OSBPL9: variants seen among roughly 807,000 people sequenced by gnomAD.
The protein encoded by OSBPL9 is oxysterol binding protein like 9.
In OSBPL9, 40 loss-of-function variants were observed where a neutral mutation model predicts 106.6. The observed-to-expected ratio is 0.38, with a 90% CI of 0.29 to 0.49. The LOEUF is 0.49. OSBPL9 is among the 20% of genes least tolerant of loss of function. The pLI, the probability that OSBPL9 is intolerant of heterozygous loss-of-function variation, is 0.97. For missense variants in OSBPL9, 609 were observed against 887.2 expected, an observed-to-expected ratio of 0.69 and a Z score of 3.98; for synonymous variants, 269 against 295.4, an observed-to-expected ratio of 0.91 and a Z score of 0.92.
the OSBPL9 span, among the ~76,000 whole-genome samples, chr1:51,555,362 TGCCTGTAATCCCA>T: frequency 1.6e-3 from 248 of 151,742 alleles, 1 homozygote; most frequent in African/African-American, 5.3e-3. Context: ...TGGTGGCACG[TGCCTGTAATCCCA>T]GCTACTCGGG....
At chr1:51,735,802 A>T (rs1208363479) in intron 4 of OSBPL9, among the ~76,000 whole-genome samples, 1 of 152,220 alleles carries the variant, frequency 6.6e-6, no homozygotes, top group Admixed American at 6.5e-5. Context: ...GTTTTTAGAG[A>T]GACAAGAAGA....
the OSBPL9 span, among the ~76,000 whole-genome samples, chr1:51,520,867 A>G: frequency 3.9e-5 from 6 of 152,262 alleles, no homozygotes; most frequent in African/African-American, 1.2e-4. Context: ...CCACTTATTC[A>G]AGAGCATCTT....
At chr1:51,642,390 TTATC>T (rs541231858) in intron 1 of OSBPL9, among the ~76,000 whole-genome samples, 82 of 152,290 alleles carry the variant, frequency 5.4e-4, no homozygotes, top group African/African-American at 1.7e-3. Context: ...TCTTAATTAT[TTATC>T]TTTGTTAATT....
chr1:51,581,767 C>A (rs12567777), intron 1 of OSBPL9, among the ~76,000 whole-genome samples: 22,274 of 151,960 alleles, frequency 0.15, 2,999 homozygotes, highest in African/African-American at 0.36. Context: ...GGGATCCTCC[C>A]ACCTCAGCTT....
At chr1:51,588,011 G>C (rs1485814679) in intron 1 of OSBPL9, among the ~76,000 whole-genome samples, 1 of 152,200 alleles carries the variant, frequency 6.6e-6, no homozygotes, top group African/African-American at 2.4e-5. Flanking sequence ...CTCTGAACCT[G>C]TTTCCTCATC....
chr1:51,778,791 C>T (rs374132993), intron 15 of OSBPL9, among the ~76,000 whole-genome samples: 1 of 152,026 alleles, frequency 6.6e-6, no homozygotes, highest in Non-Finnish European at 1.5e-5. Flanking sequence ...TCAACTTGAC[C>T]CAGTTGGCCT....
At position 51,699,358 on chromosome 1, in the gene OSBPL9, CTT is replaced by C. The variant is rs1004777844; in HGVS notation, c.242-14643_242-14642del. On this transcript the variant is annotated intron_variant, in intron 3 of 23. Coordinates refer to ENST00000428468, the MANE Select transcript of OSBPL9 (RefSeq NM_024586.6). The stretch of plus-strand genomic sequence containing the variant: ...CTTCTCCACATACCCCCACTTTTTT[CTT>C]TCTCTCTCTCTCCCTCTCACCCAGA... Among the ~76,000 whole-genome samples the C allele has an allele frequency of 3.5e-3, 535 of 152,014 alleles. 4 individuals are homozygous for C. Among genetic ancestry groups the C allele is most frequent in the African/African-American group, 0.012 (489 of 41,458 alleles).
chr1:51,712,360 C>A (rs1248366142), intron 3 of OSBPL9, among the ~76,000 whole-genome samples: 2 of 152,216 alleles, frequency 1.3e-5, no homozygotes, highest in Non-Finnish European at 2.9e-5. Flanking sequence ...CAGTACAGTC[C>A]AGCTTCGGCT....
chr1:51,531,336 A>G, the OSBPL9 span, among the ~76,000 whole-genome samples: 2 of 152,216 alleles, frequency 1.3e-5, no homozygotes, highest in Non-Finnish European at 2.9e-5. Context: ...ATTGTGGGGA[A>G]ATAAACTGTA....
chr1:51,618,754 A>G (rs963762417), intron 1 of OSBPL9, among the ~76,000 whole-genome samples: 5 of 152,212 alleles, frequency 3.3e-5, no homozygotes, highest in African/African-American at 1.2e-4. Flanking sequence ...CATTATCTCC[A>G]TTTAATATCC....
At chr1:51,646,552 T>G (rs183318128) in intron 1 of OSBPL9, among the ~76,000 whole-genome samples, 39 of 152,318 alleles carry the variant, frequency 2.6e-4, no homozygotes, top group Middle Eastern at 3.4e-3. Context: ...TGTTGTTGTT[T>G]TTTGTTTTTG....
chr1:51,744,266 A>C (rs1030800561), intron 4 of OSBPL9, among the ~76,000 whole-genome samples: 1 of 152,158 alleles, frequency 6.6e-6, no homozygotes, highest in African/African-American at 2.4e-5. Context: ...TGTTGTCTTT[A>C]GTAGAGGTAG....
At chr1:51,615,669 C>G (rs1644035637), upstream of OSBPL9, among the ~76,000 whole-genome samples, 1 of 152,168 alleles carries the variant, frequency 6.6e-6, no homozygotes, top group African/African-American at 2.4e-5. Context: ...ACCTCCGTTT[C>G]CAGCTAGTGC....
At chr1:51,779,423 T>C (rs1675804467) in intron 15 of OSBPL9, among the ~76,000 whole-genome samples, 1 of 152,108 alleles carries the variant, frequency 6.6e-6, no homozygotes, top group Non-Finnish European at 1.5e-5. Context: ...GAGACTTAAA[T>C]CTAAGACCTA....
intron 1 of OSBPL9, among the ~76,000 whole-genome samples, chr1:51,646,523 TCC>T (rs1646164709): frequency 6.6e-6 from 1 of 152,158 alleles, no homozygotes; most frequent in African/African-American, 2.4e-5. Flanking sequence ...TGGTGTGGAT[TCC>T]TTAGGATTTT....
intron 1 of OSBPL9, among the ~76,000 whole-genome samples, chr1:51,618,047 TCGCCCTGTTGCCC>T (rs1476054834): frequency 6.6e-6 from 1 of 151,302 alleles, no homozygotes; most frequent in African/African-American, 2.4e-5. Context: ...AGACGGAGTC[TCGCCCTGTTGCCC>T]AGGCTGGCGT....
rs199733190 is a variant in OSBPL9 at position 51,678,621 on chromosome 1, AC to A, written c.241+9110del. 5.6e-3 allele frequency among the ~76,000 whole-genome samples: 854 copies of A among 152,304 alleles called. 2 individuals are homozygous for A. Among genetic ancestry groups the A allele is most frequent in the African/African-American group, 0.019 (809 of 41,570 alleles). On this transcript the variant is annotated intron_variant, in intron 3 of 23. Coordinates refer to ENST00000428468, the MANE Select transcript of OSBPL9 (RefSeq NM_024586.6). ...GGTTGCAGTGAGCCGAGATCATGCC[AC>A]TGCACTCCAGCCTGGGCGACAGAGC...
chr1:51,703,551 AT>A (rs1335998893), intron 3 of OSBPL9, among the ~76,000 whole-genome samples: 14 of 152,166 alleles, frequency 9.2e-5, no homozygotes, highest in Non-Finnish European at 1.8e-4. Flanking sequence ...GGCTGAGACA[AT>A]GGGGTCTTCT....
At chr1:51,741,565 CTT>C (rs1437624462) in intron 4 of OSBPL9, among the ~76,000 whole-genome samples, 1 of 149,618 alleles carries the variant, frequency 6.7e-6, no homozygotes, top group Non-Finnish European at 1.5e-5. Flanking sequence ...CTTTCTCTCT[CTT>C]TCTTTCTTTT....
Sources: allele counts gnomAD v4.1 joint callset (sites outside exome capture counted in the v4.1 genomes callset), GRCh38; gene constraint gnomAD v4.1.1; transcripts MANE v1.5; gene names NCBI Gene and HGNC (gene_info 2026-07-23, HGNC 2026-07-21).